NRG1: variants seen among roughly 807,000 people sequenced by gnomAD.
NRG1 encodes neuregulin 1.
Under a neutral mutation model 63.8 loss-of-function variants are expected in NRG1, and 18 were observed. That is an observed-to-expected ratio of 0.28 (90% CI 0.19 to 0.42). The LOEUF is 0.42. NRG1 is among the 10% of genes least tolerant of loss of function. The pLI, the probability that NRG1 is intolerant of heterozygous loss-of-function variation, is 1.00. For synonymous variants in NRG1, 302 were observed against 301.3 expected, an observed-to-expected ratio of 1.00 and a Z score of -0.02; for missense variants, 762 against 814.7, an observed-to-expected ratio of 0.94 and a Z score of 0.79.
chr8:31,656,000 A>G (rs1767634262), intron 1 of NRG1, among the ~76,000 whole-genome samples: 1 of 152,244 alleles, frequency 6.6e-6, no homozygotes, highest in Non-Finnish European at 1.5e-5. Flanking sequence ...CCACATGGAA[A>G]TACCAAGGAA....
At chr8:31,927,198 T>C (rs1018407484) in intron 1 of NRG1, among the ~76,000 whole-genome samples, 5 of 151,926 alleles carry the variant, frequency 3.3e-5, no homozygotes, top group African/African-American at 1.2e-4. Flanking sequence ...GTTACAGAGG[T>C]AAAGTGGCTG....
chr8:32,382,943 T>C (rs1327954693), intron 1 of NRG1, among the ~76,000 whole-genome samples: 1 of 151,988 alleles, frequency 6.6e-6, no homozygotes, highest in East Asian at 1.9e-4. Context: ...TAATGAATGC[T>C]GGGCACAGTG....
At chr8:32,378,765 C>T (rs548468280) in intron 1 of NRG1, among the ~76,000 whole-genome samples, 1 of 140,610 alleles carries the variant, frequency 7.1e-6, no homozygotes, top group South Asian at 2.6e-4. Flanking sequence ...GCTATCCCTC[C>T]CCCGTCCCCC....
chr8:32,068,395 G>A (rs1484506398), intron 1 of NRG1, among the ~76,000 whole-genome samples: 1 of 152,178 alleles, frequency 6.6e-6, no homozygotes, highest in Non-Finnish European at 1.5e-5. Context: ...ATCAGGGAAT[G>A]TGGACAAAGT....
chr8:32,487,706 G>A (rs1826074219), intron 1 of NRG1, among the ~76,000 whole-genome samples: 1 of 152,220 alleles, frequency 6.6e-6, no homozygotes, highest in Non-Finnish European at 1.5e-5. Context: ...TGAAAATCAG[G>A]GCATGCAGCA....
At chr8:32,504,997 G>A (rs1828350936) in intron 1 of NRG1, among the ~76,000 whole-genome samples, 1 of 152,126 alleles carries the variant, frequency 6.6e-6, no homozygotes, top group Admixed American at 6.5e-5. Flanking sequence ...AGACAGTTTT[G>A]GGTGGTAGAA....
intron 1 of NRG1, among the ~76,000 whole-genome samples, chr8:31,908,152 T>C (rs145521688): frequency 6.6e-6 from 1 of 152,304 alleles, no homozygotes; most frequent in African/African-American, 2.4e-5. Context: ...TTATAACTTA[T>C]TTAGACTTAG....
At position 32,711,292 on chromosome 8, in the gene NRG1, G is replaced by A. The variant is rs1018671613; in HGVS notation, c.503-16657G>A. Among the ~76,000 whole-genome samples, 3 of 151,346 alleles carry A rather than the reference G, an allele frequency of 2.0e-5. No homozygotes were observed. In the East Asian group the frequency reaches 5.8e-4, roughly 29 times the overall value. On this transcript the variant is annotated intron_variant, in intron 5 of 11. Coordinates refer to ENST00000356819, the Ensembl canonical transcript of NRG1. ...CTATTTCTTGTTAAGGACTAAAGGT[G>A]TTAAAATGCTAGAATGTCTGGCACA...
At chr8:32,706,848 A>G (rs909601453) in intron 5 of NRG1, among the ~76,000 whole-genome samples, 1 of 152,152 alleles carries the variant, frequency 6.6e-6, no homozygotes, top group Admixed American at 6.5e-5. Context: ...GTTAAAATGT[A>G]TAGTCATAAT....
At chr8:32,306,831 G>A (rs76742892) in intron 1 of NRG1, among the ~76,000 whole-genome samples, 14 of 152,332 alleles carry the variant, frequency 9.2e-5, no homozygotes, top group Non-Finnish European at 1.8e-4. Context: ...CAAAAGAGGA[G>A]CCATTCATCA....
chr8:32,383,530 C>G (rs2129483474), intron 1 of NRG1, among the ~76,000 whole-genome samples: 1 of 152,338 alleles, frequency 6.6e-6, no homozygotes, highest in South Asian at 2.1e-4. Context: ...AATTTAGCAT[C>G]TAGAAGTATC....
intron 1 of NRG1, among the ~76,000 whole-genome samples, chr8:31,747,387 A>C (rs1815995655): frequency 6.6e-6 from 1 of 151,892 alleles, no homozygotes; most frequent in Admixed American, 6.6e-5. Context: ...CTGCTCTCCT[A>C]TACCACTCTT....
chr8:31,890,635 T>C (rs1314892750), intron 1 of NRG1, among the ~76,000 whole-genome samples: 1 of 152,134 alleles, frequency 6.6e-6, no homozygotes, highest in East Asian at 1.9e-4. Flanking sequence ...AATTTTAAAA[T>C]ACCTACATCA....
At chr8:32,254,174 C>T (rs541460638) in intron 1 of NRG1, among the ~76,000 whole-genome samples, 35 of 152,012 alleles carry the variant, frequency 2.3e-4, no homozygotes, top group African/African-American at 8.4e-4. Flanking sequence ...AAGGGTTTTT[C>T]ATGTCTCTAT....
At chr8:31,864,208 G>A (rs898847968) in intron 1 of NRG1, among the ~76,000 whole-genome samples, 1 of 152,102 alleles carries the variant, frequency 6.6e-6, no homozygotes, top group Non-Finnish European at 1.5e-5. Context: ...ACATTGCATT[G>A]AGCATCCATG....
intron 1 of NRG1, among the ~76,000 whole-genome samples, chr8:31,837,053 C>A (rs1448280303): frequency 3.3e-5 from 5 of 151,772 alleles, no homozygotes; most frequent in Non-Finnish European, 2.9e-5. Flanking sequence ...ATGTAAGGGC[C>A]ATTTGTATTT....
At chr8:32,759,585 T>C in intron 10 of NRG1, 149 bp downstream of exon 10, 1 of 985,718 alleles carries the variant, frequency 1.0e-6, no homozygotes, top group Non-Finnish European at 1.4e-6. Context: ...TTGCCCTTAA[T>C]TCCTGCATAA....
At chr8:32,054,859 CTTTCTTTTTTTTTTTTT>C (rs1822607312) in intron 1 of NRG1, among the ~76,000 whole-genome samples, 8 of 70,658 alleles carry the variant, frequency 1.1e-4, no homozygotes, top group African/African-American at 3.4e-4. Flanking sequence ...AGATTTCTTT[CTTTCTTTTTTTTTTTTT>C]TTTTTTTTTT....
intron 11 of NRG1, among the ~76,000 whole-genome samples, chr8:32,762,102 CTT>C (rs1325370666): frequency 6.6e-6 from 1 of 150,878 alleles, no homozygotes; most frequent in Non-Finnish European, 1.5e-5. Context: ...CTTCAAGGGC[CTT>C]TCCCCAAAAA....
Sources: allele counts gnomAD v4.1 joint callset (sites outside exome capture counted in the v4.1 genomes callset), GRCh38; gene constraint gnomAD v4.1.1; transcripts MANE v1.5; gene names NCBI Gene and HGNC (gene_info 2026-07-23, HGNC 2026-07-21).